COL21A1: variants seen among roughly 807,000 people sequenced by gnomAD.
COL21A1 encodes the protein collagen type XXI alpha 1 chain.
A neutral mutation model predicts 137.9 loss-of-function variants in COL21A1; 149 were observed. The ratio of observed to expected loss-of-function variants is 1.08; its 90% CI spans 0.95 to 1.24. The LOEUF is 1.24. Ranked by LOEUF, COL21A1 falls within the 50% of genes most tolerant of loss-of-function variation. The probability of loss-of-function intolerance (pLI) is 0.00; values close to 1 mark genes in which losing one functional copy is unlikely to be tolerated. For synonymous variants in COL21A1, 456 were observed against 391.5 expected (o/e 1.16, Z -1.95); for missense variants, 1,167 against 1,158.4 (o/e 1.01, Z -0.11).
chr6:56,383,787 T>C (rs2094012772), intron 1 of COL21A1, among the ~76,000 whole-genome samples: 3 of 152,170 alleles, frequency 2.0e-5, no homozygotes, highest in African/African-American at 7.2e-5. Flanking sequence ...CCTCCTTCAG[T>C]GACTTTATTA....
At chr6:56,219,976 C>A (rs1404964896) in intron 1 of COL21A1, among the ~76,000 whole-genome samples, 1 of 152,102 alleles carries the variant, frequency 6.6e-6, no homozygotes, top group Non-Finnish European at 1.5e-5. Flanking sequence ...TACAAATTAT[C>A]CTGTTTCTTC....
chr6:56,312,739 C>G (rs923481621), intron 1 of COL21A1, among the ~76,000 whole-genome samples: 1 of 151,954 alleles, frequency 6.6e-6, no homozygotes, highest in African/African-American at 2.4e-5. Context: ...TTATAAGACA[C>G]AAGGTTGCCA....
chr6:56,265,426 G>A (rs1465667880), intron 1 of COL21A1, among the ~76,000 whole-genome samples: 6 of 152,204 alleles, frequency 3.9e-5, no homozygotes, highest in African/African-American at 1.4e-4. Context: ...CTACAACAGA[G>A]CCAACTAAGG....
rs754539252 is a variant in COL21A1, at chr6:56,141,850, A to G, written c.1489-12T>C. On this transcript the variant is annotated splice_polypyrimidine_tract_variant and intron_variant, in intron 11 of 29. Transcript: ENST00000244728. ...AGTCCTCGAGCTCCCTAAATTAACCAGAAAATAAAATTTTGTTAATTATCG... is the reference window on the plus strand; with the variant it reads ...AGTCCTCGAGCTCCCTAAATTAACCGGAAAATAAAATTTTGTTAATTATCG... 6.2e-7 allele frequency: 1 copy of G among 1,613,278 alleles called. No homozygotes were observed. The highest frequency in any genetic ancestry group is 1.1e-5 in the South Asian group (1 of 90,940).
At chr6:56,183,878 A>C (rs757223043) in intron 1 of COL21A1, among the ~76,000 whole-genome samples, 16 of 152,144 alleles carry the variant, frequency 1.1e-4, no homozygotes, top group Admixed American at 2.6e-4. Context: ...TACAAAGAAA[A>C]ATGCTTGCAG....
At chr6:56,344,854 C>T (rs1308445846) in intron 1 of COL21A1, among the ~76,000 whole-genome samples, 2 of 74,182 alleles carry the variant, frequency 2.7e-5, no homozygotes, top group African/African-American at 8.2e-5. Context: ...TCCCCTTTGC[C>T]TTCCACCGTG....
At chr6:56,218,402 C>T (rs905872738) in intron 1 of COL21A1, among the ~76,000 whole-genome samples, 1 of 151,886 alleles carries the variant, frequency 6.6e-6, no homozygotes, top group Non-Finnish European at 1.5e-5. Flanking sequence ...TCAAAAGGTG[C>T]TCTTTAACTG....
At chr6:56,269,155 G>A (rs1230959058) in intron 1 of COL21A1, among the ~76,000 whole-genome samples, 2 of 152,164 alleles carry the variant, frequency 1.3e-5, no homozygotes, top group African/African-American at 2.4e-5. Flanking sequence ...TGAGAGAAAA[G>A]GAGAGAGAAT....
chr6:56,104,325 C>T (rs1312259375), intron 16 of COL21A1, among the ~76,000 whole-genome samples: 11 of 152,124 alleles, frequency 7.2e-5, no homozygotes, highest in Admixed American at 5.2e-4. Context: ...AAAGCGCTAG[C>T]ATTTACTGTT....
Position 56,124,052 on chromosome 6 carries a change from TTA to T in COL21A1, c.1758+8_1758+9del. 1 of 1,487,042 alleles carries T rather than the reference TTA, an allele frequency of 6.7e-7. No homozygotes were observed. Among genetic ancestry groups the T allele is most frequent in the Non-Finnish European group, 8.9e-7 (1 of 1,121,642 alleles). 92.1% of individuals were successfully genotyped at this position (1,487,042 alleles called of 1,614,324 possible). A position where few individuals can be genotyped will look rare whatever the true frequency, so the allele number is the denominator to read the frequency against. On this transcript the variant is annotated splice_region_variant and intron_variant, in intron 16 of 29. Transcript: ENST00000244728. ...TTTTGTTTTGTCCTTTTTTTTTTTT[TTA>T]TAAATACCTTGAAACCGGGACTACC... is the stretch of plus-strand genomic sequence containing the variant.
chr6:56,250,971 T>G (rs1204296099), upstream of COL21A1, among the ~76,000 whole-genome samples: 1 of 152,166 alleles, frequency 6.6e-6, no homozygotes, highest in Non-Finnish European at 1.5e-5. Flanking sequence ...GTGCCCAAAT[T>G]TACAATATTG....
At position 56,374,366 on chromosome 6, in the gene COL21A1, C is replaced by T. The variant is rs551074760; in HGVS notation, c.-39+19605G>A. Among the ~76,000 whole-genome samples the T allele has an allele frequency of 2.0e-5, 3 of 152,252 alleles. No individual in the cohort carries two copies. In the South Asian group the frequency reaches 6.2e-4, roughly 32 times the overall value. ...CAAATAATTGAAGACATCTTGTTTG[C>T]TAATTCTACCTCCCCAGTAGAACAA... On this transcript the variant is annotated intron_variant, in intron 1 of 28. Coordinates refer to the COL21A1 transcript ENST00000370819.
rs368873026 is a variant in COL21A1, at chr6:56,148,150, A to G, written c.1435-6167T>C. Among the ~76,000 whole-genome samples, 31 of 152,286 alleles carry G rather than the reference A, an allele frequency of 2.0e-4. No individual in the cohort carries two copies. The South Asian group carries it at 6.4e-3, about 32-fold the overall frequency. On this transcript the variant is annotated intron_variant, in intron 10 of 29. Transcript: ENST00000244728. ...CATATATCTACTAACTATGCTAAAA[A>G]TTATATCAGCCTCTTAGGCAGCCAC...
At chr6:56,340,414 A>G (rs1765439593) in intron 1 of COL21A1, among the ~76,000 whole-genome samples, 1 of 151,586 alleles carries the variant, frequency 6.6e-6, no homozygotes, top group Non-Finnish European at 1.5e-5. Flanking sequence ...ACAGATACAG[A>G]GGTTGGAGAG....
intron 1 of COL21A1, among the ~76,000 whole-genome samples, chr6:56,373,101 T>C (rs529559148): frequency 3.9e-5 from 6 of 152,130 alleles, no homozygotes; most frequent in Non-Finnish European, 8.8e-5. Flanking sequence ...TAATGTGATG[T>C]CCAGCATCCC....
chr6:56,234,264 G>A (rs1460679748), intron 1 of COL21A1, among the ~76,000 whole-genome samples: 1 of 151,594 alleles, frequency 6.6e-6, no homozygotes, highest in South Asian at 2.1e-4. Flanking sequence ...CTCAGTGACA[G>A]AAAATGTTGA....
At chr6:56,326,819 A>G (rs566557162) in intron 1 of COL21A1, among the ~76,000 whole-genome samples, 1 of 152,058 alleles carries the variant, frequency 6.6e-6, no homozygotes, top group Non-Finnish European at 1.5e-5. Context: ...TATCTTGACT[A>G]GATTAGGAAC....
At chr6:56,350,547 T>C (rs1305875605) in intron 1 of COL21A1, among the ~76,000 whole-genome samples, 1 of 152,212 alleles carries the variant, frequency 6.6e-6, no homozygotes, top group Non-Finnish European at 1.5e-5. Context: ...TAAACTAAAA[T>C]ACATTTCGGG....
intron 1 of COL21A1, among the ~76,000 whole-genome samples, chr6:56,206,693 AATAAATATAT>A (rs1195732966): frequency 1.8e-3 from 231 of 127,866 alleles, no homozygotes; most frequent in South Asian, 5.4e-3. Context: ...TAAATAAATA[AATAAATATAT>A]ATATATATAT....
Sources: gnomAD v4.1 joint callset for allele counts (sites outside exome capture counted in the v4.1 genomes callset) on GRCh38, gnomAD v4.1.1 for gene constraint, MANE v1.5 for transcripts, NCBI Gene and HGNC (gene_info 2026-07-23, HGNC 2026-07-21) for gene names.